CTNNA2: variants seen among roughly 807,000 people sequenced by gnomAD.
CTNNA2 encodes catenin alpha-2.
Under a neutral mutation model 101.0 loss-of-function variants are expected in CTNNA2, and 42 were observed. That is an observed-to-expected ratio of 0.42 (90% confidence interval 0.32 to 0.54). The LOEUF is 0.54. Ranked by LOEUF, CTNNA2 falls within the 20% of genes least tolerant of loss-of-function variation. The pLI, the probability that CTNNA2 is intolerant of heterozygous loss-of-function variation, is 0.14. For synonymous variants in CTNNA2, 450 were observed against 456.4 expected (o/e 0.99, Z 0.18); for missense variants, 871 against 1,223.1 (o/e 0.71, Z 4.29).
At chr2:80,139,242 C>T (rs1285444356) in intron 7 of CTNNA2, among the ~76,000 whole-genome samples, 1 of 152,114 alleles carries the variant, frequency 6.6e-6, no homozygotes, top group African/African-American at 2.4e-5. Context: ...CGTCTTGAGT[C>T]CACCACCTCT....
chr2:80,525,341 C>G (rs1197212129), intron 9 of CTNNA2, among the ~76,000 whole-genome samples: 1 of 151,970 alleles, frequency 6.6e-6, no homozygotes, highest in African/African-American at 2.4e-5. Context: ...TAGGGCAGGT[C>G]CCGGAAGTCT....
At chr2:79,698,141 T>C (rs1684762916) in intron 2 of CTNNA2, among the ~76,000 whole-genome samples, 1 of 152,084 alleles carries the variant, frequency 6.6e-6, no homozygotes, top group African/African-American at 2.4e-5. Context: ...ATATTTTATA[T>C]TTTAAGCACT....
chr2:80,273,053 T>C (rs540085471), intron 7 of CTNNA2, among the ~76,000 whole-genome samples: 3 of 152,274 alleles, frequency 2.0e-5, no homozygotes, highest in African/African-American at 7.2e-5. Context: ...TTAGAACATA[T>C]AGGTGGCATT....
At chr2:80,433,115 T>A (rs1681694789) in intron 9 of CTNNA2, among the ~76,000 whole-genome samples, 1 of 152,134 alleles carries the variant, frequency 6.6e-6, no homozygotes, top group Non-Finnish European at 1.5e-5. Context: ...CACAATCAAG[T>A]ATCTCAAAAA....
At chr2:80,443,779 T>G (rs541910237) in intron 9 of CTNNA2, among the ~76,000 whole-genome samples, 1 of 152,346 alleles carries the variant, frequency 6.6e-6, no homozygotes, top group South Asian at 2.1e-4. Flanking sequence ...AGCATTATAT[T>G]TACGACACAT....
At chr2:79,280,657 A>T (rs374139261) in intron 2 of CTNNA2, among the ~76,000 whole-genome samples, 2 of 50,300 alleles carry the variant, frequency 4.0e-5, no homozygotes, top group African/African-American at 8.2e-5. Context: ...GTGTGTGTGT[A>T]AGAGAAAGAG....
At chr2:79,190,473 C>T (rs1386800695) in intron 1 of CTNNA2, among the ~76,000 whole-genome samples, 1 of 152,072 alleles carries the variant, frequency 6.6e-6, no homozygotes, top group African/African-American at 2.4e-5. Flanking sequence ...TAGTTACATT[C>T]ATGATCACCA....
At chr2:79,204,992 G>C (rs1041996925) in intron 2 of CTNNA2, among the ~76,000 whole-genome samples, 2 of 152,344 alleles carry the variant, frequency 1.3e-5, no homozygotes, top group African/African-American at 2.4e-5. Flanking sequence ...ATTCACACTA[G>C]AGCAATAGCC....
At chr2:80,296,494 G>A (rs1558978201) in intron 7 of CTNNA2, among the ~76,000 whole-genome samples, 2 of 152,182 alleles carry the variant, frequency 1.3e-5, no homozygotes, top group South Asian at 4.1e-4. Context: ...AGAAGCATGT[G>A]TTAACTATGT....
intron 15 of CTNNA2, 79 bp from the exon 16 acceptor site, chr2:80,603,995 C>A: frequency 2.4e-6 from 3 of 1,233,990 alleles, no homozygotes; most frequent in Non-Finnish European, 3.5e-6. Context: ...ACACTAGACT[C>A]CTGGACAAAG....
intron 9 of CTNNA2, among the ~76,000 whole-genome samples, chr2:80,431,683 C>T (rs950578536): frequency 1.3e-5 from 2 of 152,154 alleles, no homozygotes; most frequent in Non-Finnish European, 2.9e-5. Flanking sequence ...CCCATCACTC[C>T]TTATTGTACT....
intron 4 of CTNNA2, among the ~76,000 whole-genome samples, chr2:79,392,758 T>C (rs1407590472): frequency 6.6e-6 from 1 of 152,194 alleles, no homozygotes; most frequent in Non-Finnish European, 1.5e-5. Flanking sequence ...TCATGTTGAC[T>C]TACATTTCCA....
chr2:79,287,306 G>A (rs1376176500), intron 2 of CTNNA2, among the ~76,000 whole-genome samples: 6 of 152,206 alleles, frequency 3.9e-5, no homozygotes, highest in East Asian at 1.9e-4. Context: ...GAGGAACTGC[G>A]TTCCTTTGGA....
chr2:80,155,706 T>C (rs1703966118), intron 7 of CTNNA2, among the ~76,000 whole-genome samples: 1 of 152,212 alleles, frequency 6.6e-6, no homozygotes, highest in Non-Finnish European at 1.5e-5. Flanking sequence ...TGTTCCTTTG[T>C]ATCTTTTTCA....
chr2:79,882,140 C>A (rs965016113), intron 6 of CTNNA2, among the ~76,000 whole-genome samples: 2 of 152,124 alleles, frequency 1.3e-5, no homozygotes, highest in African/African-American at 4.8e-5. Flanking sequence ...AGACCCCAAG[C>A]TCTTCTGGCT....
At chr2:79,470,953 A>G (rs545437270) in intron 4 of CTNNA2, among the ~76,000 whole-genome samples, 9 of 152,312 alleles carry the variant, frequency 5.9e-5, no homozygotes, top group Admixed American at 5.2e-4. Flanking sequence ...ATATATTTTC[A>G]GTGCCTGAGT....
chr2:79,948,342 T>C (rs1052874678), intron 7 of CTNNA2, among the ~76,000 whole-genome samples: 3 of 152,192 alleles, frequency 2.0e-5, no homozygotes, highest in Admixed American at 6.5e-5. Flanking sequence ...ATTTCTTGCA[T>C]TGAAGTGTGA....
chr2:79,541,861 G>A (rs112553083), intron 1 of CTNNA2, among the ~76,000 whole-genome samples: 28,798 of 151,646 alleles, frequency 0.19, 2,938 homozygotes, highest in Middle Eastern at 0.3. Flanking sequence ...TCTTGACCTC[G>A]TGATTCACCC....
intron 7 of CTNNA2, among the ~76,000 whole-genome samples, chr2:80,139,997 A>G (rs1272141858): frequency 1.3e-5 from 2 of 152,202 alleles, no homozygotes; most frequent in Non-Finnish European, 1.5e-5. Flanking sequence ...GACAGACAGT[A>G]TTTGGACTTC....
Sources: gnomAD v4.1 joint callset for allele counts (sites outside exome capture counted in the v4.1 genomes callset) on GRCh38, gnomAD v4.1.1 for gene constraint, MANE v1.5 for transcripts, NCBI Gene and HGNC (gene_info 2026-07-23, HGNC 2026-07-21) for gene names.